Variants in CDH13 observed in about 807,000 individuals in gnomAD.
CDH13 encodes cadherin 13.
In CDH13, 24 loss-of-function variants were observed where a neutral mutation model predicts 63.8. The ratio of observed to expected loss-of-function variants is 0.38; its 90% CI spans 0.27 to 0.53. CDH13 has a LOEUF of 0.53. Among genes scored for constraint, CDH13 ranks in the 20% least tolerant of loss-of-function variants. The probability of loss-of-function intolerance (pLI) is 0.85; values close to 1 mark genes in which losing one functional copy is unlikely to be tolerated. For synonymous variants in CDH13, 503 were observed against 355.3 expected (o/e 1.42, Z -4.67); for missense variants, 1,049 against 903.1 (o/e 1.16, Z -2.07).
At chr16:82,979,578 G>T (rs1214895840) in intron 2 of CDH13, among the ~76,000 whole-genome samples, 1 of 152,114 alleles carries the variant, frequency 6.6e-6, no homozygotes, top group Non-Finnish European at 1.5e-5. Context: ...CCTGGATGCT[G>T]CCATGTGAAA....
intron 3 of CDH13, among the ~76,000 whole-genome samples, chr16:83,038,294 C>G (rs1340441590): frequency 2.0e-5 from 3 of 152,248 alleles, no homozygotes; most frequent in African/African-American, 4.8e-5. Flanking sequence ...AACATATACC[C>G]CAAATCTGTG....
At position 83,077,114 on chromosome 16, in the gene CDH13, T is replaced by C. The variant is rs77112163; in HGVS notation, c.366+44896T>C. On this transcript the variant is annotated intron_variant, in intron 3 of 13. Coordinates refer to ENST00000567109, the MANE Select transcript of CDH13 (RefSeq NM_001257.5). Reference sequence around the variant, plus strand: ...TATGAATGAAATCGTATGGTATATATATTTTTGTTTGATTTCTTTCACTCA... The same window carrying C: ...TATGAATGAAATCGTATGGTATATACATTTTTGTTTGATTTCTTTCACTCA... 3.1e-3 allele frequency among the ~76,000 whole-genome samples: 468 copies of C among 151,750 alleles called. 1 individual carries two copies. The highest frequency in any genetic ancestry group is 0.01 in the African/African-American group (429 of 41,442).
intron 2 of CDH13, among the ~76,000 whole-genome samples, chr16:82,930,038 TC>T (rs1191942243): frequency 1.8e-4 from 23 of 126,040 alleles, no homozygotes; most frequent in Non-Finnish European, 3.5e-4. Flanking sequence ...TTAGTTTGTC[TC>T]TTTTTTTTTT....
At chr16:83,326,325 G>C (rs1338931545) in intron 5 of CDH13, among the ~76,000 whole-genome samples, 4 of 151,924 alleles carry the variant, frequency 2.6e-5, no homozygotes, top group Non-Finnish European at 5.9e-5. Context: ...CTCTTACCTG[G>C]GGCATATTCT....
At chr16:83,175,605 GA>G (rs1237683334) in intron 4 of CDH13, among the ~76,000 whole-genome samples, 1 of 152,042 alleles carries the variant, frequency 6.6e-6, no homozygotes, top group Non-Finnish European at 1.5e-5. Flanking sequence ...TTAGTTTTGA[GA>G]ATAGCCTTGA....
chr16:83,334,450 C>A (rs993062828), intron 5 of CDH13, among the ~76,000 whole-genome samples: 3 of 151,506 alleles, frequency 2.0e-5, no homozygotes, highest in African/African-American at 4.9e-5. Context: ...CAGCTCCCTG[C>A]AGCTTCAACC....
At chr16:83,280,988 T>A (rs1260169557) in intron 5 of CDH13, among the ~76,000 whole-genome samples, 1 of 152,250 alleles carries the variant, frequency 6.6e-6, no homozygotes, top group African/African-American at 2.4e-5. Flanking sequence ...TAGAGCAAGA[T>A]TAAATTTCAG....
chr16:83,769,579 G>C (rs1914625283), intron 11 of CDH13, among the ~76,000 whole-genome samples: 1 of 152,210 alleles, frequency 6.6e-6, no homozygotes, highest in African/African-American at 2.4e-5. Context: ...AAGTCCCCCT[G>C]CTAGCCTGGT....
chr16:82,916,143 G>A (rs1346996145), intron 2 of CDH13, among the ~76,000 whole-genome samples: 1 of 152,064 alleles, frequency 6.6e-6, no homozygotes, highest in Admixed American at 6.6e-5. Flanking sequence ...ATTCCATAAA[G>A]CAAGCGTTTA....
chr16:82,834,533 A>G (rs2615127), intron 1 of CDH13, among the ~76,000 whole-genome samples: 43,745 of 151,010 alleles, frequency 0.29, 6,514 homozygotes, highest in Middle Eastern at 0.37. Flanking sequence ...CATTCAGAAC[A>G]CAAGCTTTGC....
chr16:83,759,087 A>G (rs1318271146), intron 11 of CDH13, among the ~76,000 whole-genome samples: 2 of 152,254 alleles, frequency 1.3e-5, no homozygotes, highest in Non-Finnish European at 2.9e-5. Flanking sequence ...AAAAATGGCC[A>G]AGGCAATCTT....
At chr16:82,628,126 G>T (rs964773586) in intron 1 of CDH13, among the ~76,000 whole-genome samples, 2 of 152,186 alleles carry the variant, frequency 1.3e-5, no homozygotes, top group South Asian at 4.1e-4. Flanking sequence ...TGGCCGCTGC[G>T]GGGGGCACGC....
chr16:83,470,117 A>C (rs1241944963), intron 6 of CDH13, among the ~76,000 whole-genome samples: 3 of 152,168 alleles, frequency 2.0e-5, no homozygotes, highest in Non-Finnish European at 4.4e-5. Flanking sequence ...AAGCCCCTGC[A>C]CACACATACA....
At chr16:83,309,746 A>C (rs567335257) in intron 5 of CDH13, among the ~76,000 whole-genome samples, 6 of 152,038 alleles carry the variant, frequency 3.9e-5, no homozygotes, top group Non-Finnish European at 1.5e-5. Flanking sequence ...GGAAGCACTC[A>C]TGAGGACATG....
rs1393979481 is a variant in CDH13 at position 83,176,408 on chromosome 16, G to A, written c.484-40937G>A. Among the ~76,000 whole-genome samples, 7 of 151,098 alleles carry A rather than the reference G, an allele frequency of 4.6e-5. No homozygotes were observed. The South Asian group carries it at 1.5e-3, about 32-fold the overall frequency. On this transcript the variant is annotated intron_variant, in intron 4 of 13. Transcript: ENST00000567109. ...GCCTGTAATCCCAGCTACTCAGGAG[G>A]CTGAGGCAGGAGAATTGCTTGAACC...
At position 83,795,742 on chromosome 16, in the gene CDH13, G is replaced by A. The variant is rs1483980277; in HGVS notation, c.*712G>A. The A allele has an allele frequency of 6.6e-6, 1 of 152,398 alleles. No homozygotes were observed. Among genetic ancestry groups the A allele is most frequent in the Admixed American group, 6.5e-5 (1 of 15,278 alleles). The allele number at this position is 152,398 out of a possible 1,614,324, so 9.4% of individuals were successfully genotyped here. ...GATGCCGTGATCCTGAGCCAAGGAGGTGAGGAGCAGAGCAGGCAATTTCAC... is the reference window on the plus strand; with the variant it reads ...GATGCCGTGATCCTGAGCCAAGGAGATGAGGAGCAGAGCAGGCAATTTCAC... On this transcript the variant is annotated 3_prime_UTR_variant, in exon 14 of 14. Coordinates refer to ENST00000567109, the MANE Select transcript of CDH13 (RefSeq NM_001257.5).
At chr16:83,447,088 A>C (rs975407090) in intron 6 of CDH13, among the ~76,000 whole-genome samples, 2 of 56,470 alleles carry the variant, frequency 3.5e-5, no homozygotes, top group Non-Finnish European at 4.3e-5. Context: ...AAAACACCTT[A>C]TAGTAACCTT....
chr16:83,305,812 G>A (rs1193721245), intron 5 of CDH13, among the ~76,000 whole-genome samples: 1 of 152,120 alleles, frequency 6.6e-6, no homozygotes, highest in African/African-American at 2.4e-5. Flanking sequence ...CCTAGTAGGA[G>A]GCCAAACGCA....
At chr16:83,422,468 G>C (rs1223616699) in intron 6 of CDH13, among the ~76,000 whole-genome samples, 1 of 152,148 alleles carries the variant, frequency 6.6e-6, no homozygotes, top group Admixed American at 6.5e-5. Context: ...GAATCATCTG[G>C]TTTCTTATAG....
Sources: gnomAD v4.1 joint callset for allele counts (sites outside exome capture counted in the v4.1 genomes callset) on GRCh38, gnomAD v4.1.1 for gene constraint, MANE v1.5 for transcripts, NCBI Gene and HGNC (gene_info 2026-07-23, HGNC 2026-07-21) for gene names.